The following SPMIP2 variants were observed in gnomAD, a reference collection of about 807,000 sequenced individuals.
The protein encoded by SPMIP2 is protein SPMIP2.
At chr4:158,998,564 T>C in the SPMIP2 span, among the ~76,000 whole-genome samples, 1 of 152,230 alleles carries the variant, frequency 6.6e-6, no homozygotes, top group East Asian at 1.9e-4. Context: ...TTTGTGTTAA[T>C]TGGTTTTCTT....
At chr4:158,909,746 T>A in the SPMIP2 span, among the ~76,000 whole-genome samples, 17 of 151,622 alleles carry the variant, frequency 1.1e-4, no homozygotes, top group South Asian at 2.1e-4. Context: ...GCTAATTTTT[T>A]TAAAAAAAAT....
At chr4:159,032,761 T>G in the SPMIP2 span, among the ~76,000 whole-genome samples, 5 of 142,072 alleles carry the variant, frequency 3.5e-5, no homozygotes, top group African/African-American at 5.2e-5. Flanking sequence ...AAACACAGGA[T>G]AAAAATCTAA....
chr4:158,963,250 C>T, the SPMIP2 span, among the ~76,000 whole-genome samples: 1 of 151,198 alleles, frequency 6.6e-6, no homozygotes, highest in Non-Finnish European at 1.5e-5. Flanking sequence ...TAATAATACG[C>T]TAAGGTATTA....
chr4:159,026,537 A>G, the SPMIP2 span: 2 of 558,988 alleles, frequency 3.6e-6, no homozygotes, highest in Non-Finnish European at 6.8e-6. Flanking sequence ...AAATTTCATC[A>G]TCACTTTGGA....
chr4:158,974,230 CA>C, the SPMIP2 span, among the ~76,000 whole-genome samples: 98,220 of 147,946 alleles, frequency 0.66, 32,073 homozygotes, highest in East Asian at 0.73. Flanking sequence ...AAACAATGAA[CA>C]AAAAAAAAAA....
chr4:159,046,604 G>C, the SPMIP2 span, among the ~76,000 whole-genome samples: 1 of 152,090 alleles, frequency 6.6e-6, no homozygotes, highest in African/African-American at 2.4e-5. Flanking sequence ...ACAGAGTCTT[G>C]CTCTGTTGCC....
chr4:159,034,311 G>T, the SPMIP2 span, among the ~76,000 whole-genome samples: 1 of 152,128 alleles, frequency 6.6e-6, no homozygotes, highest in Non-Finnish European at 1.5e-5. Context: ...ACTTTACTAG[G>T]TTTAATGCAT....
the SPMIP2 span, among the ~76,000 whole-genome samples, chr4:158,982,286 C>T: frequency 6.6e-6 from 1 of 152,274 alleles, no homozygotes; most frequent in South Asian, 2.1e-4. Flanking sequence ...TAGAGTCTAA[C>T]ACCCCACCAT....
chr4:159,052,952 A>ATTT, the SPMIP2 span, among the ~76,000 whole-genome samples: 32 of 102,950 alleles, frequency 3.1e-4, no homozygotes, highest in Admixed American at 1.3e-3. Context: ...TATTATTATT[A>ATTT]TTATTTTTTT....
the SPMIP2 span, among the ~76,000 whole-genome samples, chr4:158,943,858 CTTTTT>C: frequency 2.0e-5 from 2 of 101,934 alleles, no homozygotes; most frequent in African/African-American, 7.8e-5. Context: ...TTGACATTTT[CTTTTT>C]TTTTTTTTTT....
the SPMIP2 span, among the ~76,000 whole-genome samples, chr4:159,073,493 A>G: frequency 6.6e-6 from 1 of 152,254 alleles, no homozygotes; most frequent in African/African-American, 2.4e-5. Flanking sequence ...CCTACTCTTC[A>G]TTCAGGCTCT....
the SPMIP2 span, among the ~76,000 whole-genome samples, chr4:159,070,563 T>C: frequency 2.6e-4 from 40 of 152,296 alleles, no homozygotes; most frequent in African/African-American, 8.9e-4. Flanking sequence ...GATACACATA[T>C]GGTTTGGAAG....
At chr4:158,995,179 A>G in the SPMIP2 span, among the ~76,000 whole-genome samples, 1 of 152,150 alleles carries the variant, frequency 6.6e-6, no homozygotes, top group Non-Finnish European at 1.5e-5. Flanking sequence ...TGGACACCCA[A>G]AGTGCTGGGA....
chr4:159,000,471 C>A, the SPMIP2 span, among the ~76,000 whole-genome samples: 1 of 149,656 alleles, frequency 6.7e-6, no homozygotes, highest in Non-Finnish European at 1.5e-5. Context: ...TATGCACTCT[C>A]TTTTGTCTGG....
the SPMIP2 span, among the ~76,000 whole-genome samples, chr4:158,970,409 A>G: frequency 5.9e-5 from 9 of 152,144 alleles, no homozygotes; most frequent in African/African-American, 2.2e-4. Flanking sequence ...GTGTGGTGGC[A>G]TGTGCCTGTA....
the SPMIP2 span, among the ~76,000 whole-genome samples, chr4:159,022,077 G>A: frequency 6.6e-6 from 1 of 152,162 alleles, no homozygotes; most frequent in African/African-American, 2.4e-5. Flanking sequence ...AAAGAGGGTG[G>A]TGATAGCTAC....
chr4:159,031,756 C>T, the SPMIP2 span, among the ~76,000 whole-genome samples: 1 of 151,964 alleles, frequency 6.6e-6, no homozygotes. Flanking sequence ...AAGAAAAATA[C>T]GAGAGATGTG....
chr4:158,994,172 A>G, the SPMIP2 span, among the ~76,000 whole-genome samples: 1 of 152,170 alleles, frequency 6.6e-6, no homozygotes, highest in African/African-American at 2.4e-5. Context: ...GTTGTATCTT[A>G]TTTATCTCTG....
the SPMIP2 span, among the ~76,000 whole-genome samples, chr4:158,961,802 A>G: frequency 4.1e-4 from 62 of 152,198 alleles, no homozygotes; most frequent in Non-Finnish European, 7.2e-4. Context: ...CTCTATCTTA[A>G]TTTATTAATG....
Sources: allele counts gnomAD v4.1 joint callset (sites outside exome capture counted in the v4.1 genomes callset), GRCh38; gene constraint gnomAD v4.1.1; transcripts MANE v1.5; gene names NCBI Gene and HGNC (gene_info 2026-07-23, HGNC 2026-07-21).